Variants in CHIA observed in about 807,000 individuals in gnomAD.
CHIA encodes chitinase acidic.
A neutral mutation model predicts 53.5 loss-of-function variants in CHIA; 47 were observed. The observed-to-expected ratio is 0.88, with a 90% CI of 0.70 to 1.12. The LOEUF is 1.12. Among genes scored for constraint, CHIA ranks in the 50% most tolerant of loss-of-function variants. The probability of loss-of-function intolerance (pLI) is 0.00; values close to 1 mark genes in which losing one functional copy is unlikely to be tolerated. For synonymous variants in CHIA, 268 were observed against 222.2 expected, an observed-to-expected ratio of 1.21 and a Z score of -1.83; for missense variants, 652 against 592.2, an observed-to-expected ratio of 1.10 and a Z score of -1.05.
Position 111,318,678 on chromosome 1 carries a change from G to A in CHIA, c.915G>A (p.Glu305=). The change falls in exon 9 of 12, where the codon GAG becomes GAA. Residue 305 remains glutamate, a splice_region_variant and synonymous_variant. Transcript: ENST00000369740. The stretch of plus-strand genomic sequence containing the variant: ...AGTCTGGGATCTGGGCTTACTACGA[G>A]GTATGTAGATTGGACTGAAAAGTGC... ...AKESGIWAYY[E]ICTFLKNGAT... The A allele has an allele frequency of 1.2e-6, 2 of 1,612,480 alleles. No individual in the cohort carries two copies. The highest frequency in any genetic ancestry group is 1.7e-6 in the Non-Finnish European group (2 of 1,179,132).
rs766127699 is a variant in CHIA, at chr1:111,314,643, A to G, written c.314+47A>G. On this transcript the variant is annotated intron_variant, in intron 5 of 11. Coordinates refer to ENST00000369740, the MANE Select transcript of CHIA (RefSeq NM_201653.4). ...TGTTGTTCGTTTGCTATGGAAAACA[A>G]GTTAGCCCCATGTGATCACTGTCCC... 9 of 1,404,282 alleles carry G rather than the reference A, an allele frequency of 6.4e-6. No individual in the cohort carries two copies. The Admixed American group carries it at 1.2e-4, about 18-fold the overall frequency. 87.0% of individuals were successfully genotyped at this position (1,404,282 alleles called of 1,614,324 possible). A position where few individuals can be genotyped will look rare whatever the true frequency, so the allele number is the denominator to read the frequency against.
Position 111,315,871 on chromosome 1 carries a change from G to A in CHIA, c.480+436G>A, listed in dbSNP as rs911265384. 3 of 446,740 alleles carry A rather than the reference G, an allele frequency of 6.7e-6. No individual in the cohort carries two copies. The Admixed American group carries it at 7.2e-5, about 11-fold the overall frequency. 27.7% of individuals were successfully genotyped at this position (446,740 alleles called of 1,614,324 possible). ...TTACACTAGGCTGCCCGTTATTACT[G>A]AGTACATATTCTGTGGCAGACATTG... On this transcript the variant is annotated intron_variant, in intron 6 of 11. Coordinates refer to ENST00000369740, the MANE Select transcript of CHIA (RefSeq NM_201653.4).
At chr1:111,317,489 T>C in intron 6 of CHIA, 192 bp from the exon 7 acceptor site, 1 of 600,050 alleles carries the variant, frequency 1.7e-6, no homozygotes, top group Non-Finnish European at 2.8e-6. Context: ...TTATGCATAT[T>C]AGATAGCCAG....
intron 6 of CHIA, 112 bp from the exon 7 acceptor site, chr1:111,317,569 T>C (rs1649256406): frequency 3.3e-6 from 4 of 1,216,972 alleles, no homozygotes; most frequent in African/African-American, 1.5e-5. Context: ...AAATAAAATA[T>C]GTGAAAGCAA....
chr1:111,297,994 A>G (rs1354911989), intron 1 of CHIA, among the ~76,000 whole-genome samples: 1 of 152,042 alleles, frequency 6.6e-6, no homozygotes, highest in Non-Finnish European at 1.5e-5. Context: ...AAAGAGACAA[A>G]GAAGGCCATT....
intron 1 of CHIA, among the ~76,000 whole-genome samples, chr1:111,297,698 A>G (rs1305933305): frequency 6.6e-6 from 1 of 152,112 alleles, no homozygotes; most frequent in Non-Finnish European, 1.5e-5. Context: ...TAACATCGTA[A>G]TGACAGCATC....
rs144679403 is a variant in CHIA, at chr1:111,317,715, A to G, written c.515A>G (p.Gln172Arg). 2 of 1,614,166 alleles carry G rather than the reference A, an allele frequency of 1.2e-6. No individual in the cohort carries two copies. The highest frequency in any genetic ancestry group is 1.7e-6 in the Non-Finnish European group (2 of 1,180,020). The change falls in exon 7 of 12, where the codon CAG becomes CGG. Residue 172 changes from glutamine to arginine, a missense_variant. Transcript: ENST00000369740. ...GAAGCTTTTGAGCAGGAGGCCAAGC[A>G]GATCAACAAGCCCAGGCTGATGGTC... ...MREAFEQEAK[Q>R]INKPRLMVTA...
At chr1:111,297,901 CAAAA>C (rs1188512345) in intron 1 of CHIA, among the ~76,000 whole-genome samples, 7 of 31,846 alleles carry the variant, frequency 2.2e-4, no homozygotes, top group South Asian at 2.3e-3. Context: ...AAATGGAAAG[CAAAA>C]AAAAAAAAAA....
Position 111,320,237 on chromosome 1 carries a change from T to C in CHIA, c.1202T>C (p.Ile401Thr), listed in dbSNP as rs779521502. 9.3e-6 allele frequency: 15 copies of C among 1,613,852 alleles called. No homozygotes were observed. Among genetic ancestry groups the C allele is most frequent in the Non-Finnish European group, 1.0e-5 (12 of 1,179,940 alleles). Residue 401 changes from isoleucine (I) to threonine (T), a missense_variant, in exon 12 of 12, where the codon ATT (isoleucine) becomes ACT (threonine). Physicochemically the swap from Ile to Thr is moderately conservative, Grantham distance 89. Coordinates refer to ENST00000369740, the MANE Select transcript of CHIA (RefSeq NM_201653.4). ...SASCTAPAQP[I>T]EPITAAPSGS... is the part of the protein sequence containing the mutation. ...GGTTGCACGGCTCCAGCTCAGCCCATTGAGCCAATAACTGCTGCTCCCAGT... is the reference window on the plus strand; with the variant it reads ...GGTTGCACGGCTCCAGCTCAGCCCACTGAGCCAATAACTGCTGCTCCCAGT...
intron 1 of CHIA, among the ~76,000 whole-genome samples, chr1:111,307,640 C>CT (rs1174506255): frequency 2.5e-3 from 355 of 140,678 alleles, no homozygotes; most frequent in Middle Eastern, 3.7e-3. Flanking sequence ...TTCATTTTTA[C>CT]TTTTTTTTTT....
At position 111,314,551 on chromosome 1, in the gene CHIA, T is replaced by C. The variant is rs757496332; in HGVS notation, c.269T>C (p.Leu90Pro). ...CCTTTGTTTTACAGGAACAGCCAGC[T>C]GAAAACTCTCCTGGCCATTGGAGGC... is the stretch of plus-strand genomic sequence containing the variant. Reference protein sequence around the residue: ...FNGLKNKNSQLKTLLAIGGWN... With the variant: ...FNGLKNKNSQPKTLLAIGGWN... The change falls in exon 5 of 12, where the codon CTG becomes CCG. Residue 90 changes from leucine to proline, a missense_variant. Physicochemically the swap from Leu to Pro is moderately conservative, Grantham distance 98 (BLOSUM62 -3). Coordinates refer to ENST00000369740, the MANE Select transcript of CHIA (RefSeq NM_201653.4). 2.5e-6 allele frequency: 4 copies of C among 1,611,616 alleles called. No homozygotes were observed. The South Asian group carries it at 3.3e-5, about 13-fold the overall frequency.
At chr1:111,302,553 T>C (rs1647845431) in intron 1 of CHIA, among the ~76,000 whole-genome samples, 2 of 152,218 alleles carry the variant, frequency 1.3e-5, no homozygotes, top group South Asian at 4.1e-4. Flanking sequence ...ATTGGTGGCT[T>C]CTACAGTTTC....
At chr1:111,303,526 C>G (rs967977131) in intron 1 of CHIA, among the ~76,000 whole-genome samples, 2 of 151,788 alleles carry the variant, frequency 1.3e-5, no homozygotes, top group African/African-American at 4.8e-5. Context: ...TATTTTCTTC[C>G]CCATTGGTTA....
At chr1:111,318,776 C>T in intron 9 of CHIA, 98 bp downstream of exon 9, 2 of 1,335,004 alleles carry the variant, frequency 1.5e-6, no homozygotes, top group Non-Finnish European at 2.1e-6. Context: ...TGTCTCCTAC[C>T]TAAATGCTTT....
In CHIA at chr1:111,297,925, AC is replaced by A. The variant is rs1211005298; in HGVS notation, c.-69+6976del. On this transcript the variant is annotated intron_variant, in intron 1 of 11. Transcript: ENST00000369740. Reference sequence around the variant, plus strand: ...GCAAAAAAAAAAAAAAAAAAAAAAAACAAGCAGGGGTTGTAATCCTAGTCTC... The same window carrying A: ...GCAAAAAAAAAAAAAAAAAAAAAAAAAAGCAGGGGTTGTAATCCTAGTCTC... 7.6e-3 allele frequency among the ~76,000 whole-genome samples: 630 copies of A among 83,200 alleles called. 2 individuals carry two copies. The highest frequency in any genetic ancestry group is 0.013 in the Non-Finnish European group (460 of 34,140). 54.6% of individuals were successfully genotyped at this position (83,200 alleles called of 152,430 possible). A position where few individuals can be genotyped will look rare whatever the true frequency, so the allele number is the denominator to read the frequency against.
At chr1:111,302,624 T>C (rs1036252015) in intron 1 of CHIA, among the ~76,000 whole-genome samples, 3 of 152,198 alleles carry the variant, frequency 2.0e-5, no homozygotes, top group Non-Finnish European at 4.4e-5. Context: ...CTTTGTATGA[T>C]CTCTATATTT....
intron 3 of CHIA, 61 bp downstream of exon 3, chr1:111,311,779 G>A: frequency 1.3e-6 from 2 of 1,557,850 alleles, no homozygotes; most frequent in South Asian, 1.1e-5. Context: ...ACCATACTAT[G>A]GAAAGAGAGC....
At chr1:111,314,013 C>T (rs1237734279) in intron 4 of CHIA, among the ~76,000 whole-genome samples, 1 of 152,114 alleles carries the variant, frequency 6.6e-6, no homozygotes, top group Non-Finnish European at 1.5e-5. Context: ...AAGTGTTAGT[C>T]CCTACTGCAA....
In CHIA at chr1:111,319,160, A is replaced by ATGCCCCTCAGGAAG. The variant is rs151326722; in HGVS notation, c.961_974dup (p.Tyr326LeufsTer59). Reference sequence around the variant, plus strand: ...AAAAATGGAGCCACTCAGGGATGGGATGCCCCTCAGGAAGTGCCTTATGCC... The same window carrying ATGCCCCTCAGGAAG: ...AAAAATGGAGCCACTCAGGGATGGGATGCCCCTCAGGAAGTGCCCCTCAGGAAGTGCCTTATGCC... On this transcript the variant is annotated frameshift_variant, in exon 10 of 12. Coordinates refer to ENST00000369740, the MANE Select transcript of CHIA (RefSeq NM_201653.4). LOFTEE classifies it high-confidence loss of function. 5,762 of 1,614,114 alleles carry ATGCCCCTCAGGAAG rather than the reference A, an allele frequency of 3.6e-3. 156 individuals are homozygous for ATGCCCCTCAGGAAG. In the African/African-American group the frequency reaches 0.059, roughly 17 times the overall value.
Sources: allele counts gnomAD v4.1 joint callset (sites outside exome capture counted in the v4.1 genomes callset), GRCh38; gene constraint gnomAD v4.1.1; transcripts MANE v1.5; gene names NCBI Gene and HGNC (gene_info 2026-07-23, HGNC 2026-07-21).